Variants in IVNS1ABP observed in about 807,000 individuals in gnomAD.
IVNS1ABP encodes the protein influenza virus NS1A-binding protein.
Under a neutral mutation model 78.9 loss-of-function variants are expected in IVNS1ABP, and 25 were observed. The observed-to-expected ratio is 0.32, with a 90% confidence interval of 0.23 to 0.44. The LOEUF (loss-of-function observed/expected upper bound fraction) is 0.44. IVNS1ABP is among the 20% of genes least tolerant of loss of function. IVNS1ABP has a pLI of 1.00. For synonymous variants in IVNS1ABP, 241 were observed against 259.7 expected (o/e 0.93, Z 0.69); for missense variants, 494 against 768.9 (o/e 0.64, Z 4.23).
intron 8 of IVNS1ABP, among the ~76,000 whole-genome samples, chr1:185,302,608 A>C (rs1184909431): frequency 6.6e-6 from 1 of 152,190 alleles, no homozygotes. Context: ...TGAAGCTATT[A>C]AGAAAAAGCT....
intron 1 of IVNS1ABP, 86 bp from the exon 2 acceptor site, chr1:185,311,408 T>C (rs1039817266): frequency 2.3e-5 from 9 of 386,672 alleles, no homozygotes; most frequent in African/African-American, 4.2e-5. Context: ...GTAAAACAAG[T>C]CCTGATCTTC....
At chr1:185,307,957 G>A in intron 5 of IVNS1ABP, 2 of 1,548,384 alleles carry the variant, frequency 1.3e-6, no homozygotes, top group Non-Finnish European at 1.7e-6. Context: ...CGCAGTATCT[G>A]AACTGGGCTC....
intron 5 of IVNS1ABP, among the ~76,000 whole-genome samples, chr1:185,308,286 T>C (rs1391017857): frequency 1.3e-5 from 2 of 152,208 alleles, no homozygotes; most frequent in Admixed American, 6.5e-5. Flanking sequence ...GAAAGCAGTG[T>C]AGACCATATG....
chr1:185,302,144 C>G (rs1665618649), intron 8 of IVNS1ABP, among the ~76,000 whole-genome samples: 2 of 151,936 alleles, frequency 1.3e-5, no homozygotes, highest in Non-Finnish European at 2.9e-5. Context: ...GAGTGGTTTT[C>G]TAGACAAAAT....
Position 185,301,140 on chromosome 1 carries a change from G to A in IVNS1ABP, c.952C>T (p.His318Tyr). The A allele has an allele frequency of 1.2e-6, 2 of 1,613,392 alleles. No homozygotes were observed. Among genetic ancestry groups the A allele is most frequent in the Non-Finnish European group, 1.7e-6 (2 of 1,179,668 alleles). Residue 318 changes from histidine to tyrosine, a missense_variant, in exon 10 of 15, where the codon CAT becomes TAT. Transcript: ENST00000367498. ...LDGIFCVIFL[H>Y]GRNSPQSSPT... ...GAGCTCTGTGGGCTGTTTCTCCCAT[G>A]AAGAAAAATGACACAGAATATACCA...
rs1665479303 is a variant in IVNS1ABP, at chr1:185,298,395, TG to T, written c.1676-108del. ...AAATCAGTGGTTTTAAAAATAGAAA[TG>T]CCTGTTCATTTTGTCAAAAAGAATT... is the stretch of plus-strand genomic sequence containing the variant. On this transcript the variant is annotated intron_variant, in intron 14 of 14. Coordinates refer to ENST00000367498, the MANE Select transcript of IVNS1ABP (RefSeq NM_006469.5). The surrounding 1 kb of genome is among the most constrained non-coding windows in gnomAD (Gnocchi z 4.1). 6 of 960,862 alleles carry T rather than the reference TG, an allele frequency of 6.2e-6. No homozygotes were observed. Among genetic ancestry groups the T allele is most frequent in the Non-Finnish European group, 9.2e-6 (6 of 651,386 alleles). The allele number at this position is 960,862 out of a possible 1,614,324, so 59.5% of individuals were successfully genotyped here.
At chr1:185,312,644 TC>T (rs1169253018) in intron 1 of IVNS1ABP, among the ~76,000 whole-genome samples, 2 of 152,216 alleles carry the variant, frequency 1.3e-5, no homozygotes, top group African/African-American at 4.8e-5. Flanking sequence ...TACCCTTGCA[TC>T]AAAACTATAT....
Position 185,298,164 on chromosome 1 carries a change from C to T in IVNS1ABP, c.1800G>A (p.Gly600=). The change falls in exon 15 of 15, where the codon GGG becomes GGA. Residue 600 remains glycine (G), a synonymous_variant. Coordinates refer to ENST00000367498, the MANE Select transcript of IVNS1ABP (RefSeq NM_006469.5). The surrounding 1 kb of genome is among the most constrained non-coding windows in gnomAD (Gnocchi z 4.1). The part of the protein sequence containing the change: ...GNMTSPRSNA[G]IATVGNTIYA... ...AAATGGTGTTCCCTACAGTTGCAAT[C>T]CCAGCATTGCTCCTTGGTGAAGTCA... The T allele has an allele frequency of 6.2e-7, 1 of 1,613,858 alleles. No individual in the cohort carries two copies. The highest frequency in any genetic ancestry group is 1.1e-5 in the South Asian group (1 of 91,082).
Position 185,298,396 on chromosome 1 carries a change from G to C in IVNS1ABP, c.1676-108C>G. The C allele has an allele frequency of 1.0e-6, 1 of 959,954 alleles. No individual in the cohort carries two copies. The highest frequency in any genetic ancestry group is 1.7e-5 in the South Asian group (1 of 58,894). The allele number at this position is 959,954 out of a possible 1,614,324, so 59.5% of individuals were successfully genotyped here. Reference sequence around the variant, plus strand: ...AATCAGTGGTTTTAAAAATAGAAATGCCTGTTCATTTTGTCAAAAAGAATT... The same window carrying C: ...AATCAGTGGTTTTAAAAATAGAAATCCCTGTTCATTTTGTCAAAAAGAATT... On this transcript the variant is annotated intron_variant, in intron 14 of 14. Coordinates refer to ENST00000367498, the MANE Select transcript of IVNS1ABP (RefSeq NM_006469.5). The surrounding 1 kb of genome is among the most constrained non-coding windows in gnomAD (Gnocchi z 4.1).
chr1:185,306,358 TC>T, intron 7 of IVNS1ABP: 1 of 736,232 alleles, frequency 1.4e-6, no homozygotes, highest in Non-Finnish European at 1.9e-6. Flanking sequence ...CCACCATTTC[TC>T]CATCAATTTT....
intron 1 of IVNS1ABP, 66 bp downstream of exon 1, chr1:185,316,887 C>G (rs1055299437): frequency 2.5e-6 from 1 of 397,660 alleles, no homozygotes; most frequent in Non-Finnish European, 4.4e-6. Context: ...CGGCGCCATC[C>G]CTTCTTCTCG....
In IVNS1ABP at chr1:185,306,349, C is replaced by T. The variant is rs913550174; in HGVS notation, c.657+665G>A. On this transcript the variant is annotated intron_variant, in intron 7 of 14. Coordinates refer to ENST00000367498, the MANE Select transcript of IVNS1ABP (RefSeq NM_006469.5). ...GCTCCACCTGCGTGTTTTCAATTCCCACCATTTCTCCATCAATTTTATCTT... is the reference window on the plus strand; with the variant it reads ...GCTCCACCTGCGTGTTTTCAATTCCTACCATTTCTCCATCAATTTTATCTT... 1.6e-5 allele frequency: 11 copies of T among 684,536 alleles called. No individual in the cohort carries two copies. The East Asian group carries it at 8.5e-4, about 53-fold the overall frequency. 42.4% of individuals were successfully genotyped at this position (684,536 alleles called of 1,614,324 possible).
At chr1:185,316,542 G>A (rs958212020) in intron 1 of IVNS1ABP, among the ~76,000 whole-genome samples, 4 of 152,340 alleles carry the variant, frequency 2.6e-5, no homozygotes, top group East Asian at 1.9e-4. Context: ...GTTCCTGACA[G>A]CAAGAACGGG....
intron 1 of IVNS1ABP, among the ~76,000 whole-genome samples, chr1:185,316,333 C>T (rs1456792677): frequency 6.6e-6 from 1 of 152,158 alleles, no homozygotes; most frequent in Non-Finnish European, 1.5e-5. Flanking sequence ...TCCCTCCTCC[C>T]GCCCCCTTCT....
intron 1 of IVNS1ABP, among the ~76,000 whole-genome samples, chr1:185,312,109 T>G (rs1457531368): frequency 3.3e-5 from 5 of 152,238 alleles, no homozygotes; most frequent in African/African-American, 1.2e-4. Context: ...AGTAATTTGT[T>G]GGAATAAACT....
chr1:185,303,769 C>G (rs558615291), intron 8 of IVNS1ABP, among the ~76,000 whole-genome samples: 43 of 152,062 alleles, frequency 2.8e-4, no homozygotes, highest in African/African-American at 9.9e-4. Context: ...TTTTCTGTGT[C>G]TGGTTATAAA....
intron 6 of IVNS1ABP, 108 bp downstream of exon 6, chr1:185,307,381 A>G: frequency 3.1e-6 from 3 of 955,458 alleles, no homozygotes; most frequent in Non-Finnish European, 4.7e-6. Flanking sequence ...TAACAATATA[A>G]TTTCAATGTA....
chr1:185,309,929 C>T (rs545535961), intron 2 of IVNS1ABP, among the ~76,000 whole-genome samples: 190 of 152,254 alleles, frequency 1.2e-3, no homozygotes, highest in African/African-American at 4.3e-3. Context: ...CCTTTACCCA[C>T]AAATGAGAAA....
chr1:185,298,275 T>A lies in IVNS1ABP; in HGVS notation c.1689A>T (p.Val563=), dbSNP rs1485089460. 1 of 1,613,072 alleles carries A rather than the reference T, an allele frequency of 6.2e-7. No homozygotes were observed. Among genetic ancestry groups the A allele is most frequent in the Non-Finnish European group, 8.5e-7 (1 of 1,179,442 alleles). The change falls in exon 15 of 15, where the codon GTA becomes GTT. Residue 563 remains valine (V), a synonymous_variant. Coordinates refer to ENST00000367498, the MANE Select transcript of IVNS1ABP (RefSeq NM_006469.5). This position sits in a 1 kb window ranked among gnomAD's most constrained non-coding sequence, Gnocchi z 4.1. ...CATGAGAACCATCAAAGCCACCACATACAAACAGTTTTCCTAAAAGAGAAA... is the reference window on the plus strand; with the variant it reads ...CATGAGAACCATCAAAGCCACCACAAACAAACAGTTTTCCTAAAAGAGAAA... ...GVAVLNGKLF[V]CGGFDGSHAI...
Sources: gnomAD v4.1 joint callset for allele counts (sites outside exome capture counted in the v4.1 genomes callset) on GRCh38, gnomAD v4.1.1 for gene constraint, Gnocchi (gnomAD v3.1) non-coding constraint, MANE v1.5 for transcripts, NCBI Gene and HGNC (gene_info 2026-07-23, HGNC 2026-07-21) for gene names.